CIITA: variants seen among roughly 807,000 people sequenced by gnomAD.
CIITA encodes the protein class II major histocompatibility complex transactivator, also known as MHC class II transactivator.
In CIITA, 72 loss-of-function variants were observed where a neutral mutation model predicts 115.1. The observed-to-expected ratio is 0.63, with a 90% CI of 0.52 to 0.76. The LOEUF is 0.76. Ranked by LOEUF, CIITA falls within the 30% of genes least tolerant of loss-of-function variation. CIITA has a pLI of 0.00. For missense variants in CIITA, 1,617 were observed against 1,463.8 expected (o/e 1.10, Z -1.71); for synonymous variants, 763 against 635.6 (o/e 1.20, Z -3.02).
intron 5 of CIITA, among the ~76,000 whole-genome samples, chr16:10,899,640 T>G (rs2038507457): frequency 6.6e-6 from 1 of 152,238 alleles, no homozygotes; most frequent in Non-Finnish European, 1.5e-5. Flanking sequence ...AGTAGATATC[T>G]GTTGAATGAA....
chr16:10,898,796 G>T, intron 4 of CIITA, 64 bp downstream of exon 4: 1 of 1,605,844 alleles, frequency 6.2e-7, no homozygotes, highest in Non-Finnish European at 8.5e-7. Context: ...TTCCCTGGGG[G>T]GTGCCCTAAT....
chr16:10,903,284 G>T (rs925822401), intron 8 of CIITA, among the ~76,000 whole-genome samples: 11 of 152,170 alleles, frequency 7.2e-5, no homozygotes, highest in African/African-American at 2.7e-4. Context: ...CTGAGGGGTT[G>T]TGACTTGTCT....
intron 1 of CIITA, among the ~76,000 whole-genome samples, chr16:10,868,451 T>C (rs551352944): frequency 6.6e-6 from 1 of 152,286 alleles, no homozygotes; most frequent in Admixed American, 6.5e-5. Context: ...ACAGGGCTGG[T>C]TCTTCTTGTG....
At chr16:10,869,364 G>T (rs2035315812) in intron 1 of CIITA, among the ~76,000 whole-genome samples, 1 of 152,150 alleles carries the variant, frequency 6.6e-6, no homozygotes, top group African/African-American at 2.4e-5. Flanking sequence ...CGTTCCCTCT[G>T]CCTGGAGCAC....
At chr16:10,897,532 A>ACCCAAGTCTGCTC (rs2038254843) in intron 3 of CIITA, among the ~76,000 whole-genome samples, 1 of 152,150 alleles carries the variant, frequency 6.6e-6, no homozygotes, top group African/African-American at 2.4e-5. Flanking sequence ...AGGCAGCTTC[A>ACCCAAGTCTGCTC]CCCAAGTCTG....
chr16:10,921,208 A>G (rs568552646), intron 16 of CIITA, among the ~76,000 whole-genome samples: 74 of 152,356 alleles, frequency 4.9e-4, no homozygotes, highest in African/African-American at 1.7e-3. Flanking sequence ...AGGCTGAATC[A>G]TGGCAAAGTC....
chr16:10,907,814 C>T lies in CIITA; in HGVS notation c.2322C>T (p.Leu774=), dbSNP rs77072504. 165 of 1,614,030 alleles carry T rather than the reference C, an allele frequency of 1.0e-4. 1 individual carries two copies. In the African/African-American group the frequency reaches 1.7e-3, roughly 17 times the overall value. ...QPPARCLGAL[L]GPSAAASVDR... ...CCGCCCGCTGCCTGGGAGCCCTACT[C>T]GGGCCATCGGCGGCTGCCTCGGTGG... The change falls in exon 11 of 20, where the codon CTC becomes CTT. Residue 774 remains leucine (L), a synonymous_variant. Transcript: ENST00000324288. The surrounding 1 kb of genome is among the most constrained non-coding windows in gnomAD (Gnocchi z 5.0).
At chr16:10,917,666 G>C (rs887966232) in intron 15 of CIITA, among the ~76,000 whole-genome samples, 2 of 151,994 alleles carry the variant, frequency 1.3e-5, no homozygotes, top group African/African-American at 4.8e-5. Flanking sequence ...TTTTAGTAGA[G>C]ACGGGGTTTC....
rs2040959426 is a variant in CIITA at position 10,934,832 on chromosome 16, C to T, written c.*10977C>T. The T allele has an allele frequency of 2.0e-5, 3 of 152,272 alleles. No homozygotes were observed. Among genetic ancestry groups the T allele is most frequent in the African/African-American group, 7.2e-5 (3 of 41,456 alleles). 9.4% of individuals were successfully genotyped at this position (152,272 alleles called of 1,614,324 possible). A position where few individuals can be genotyped will look rare whatever the true frequency, so the allele number is the denominator to read the frequency against. On this transcript the variant is annotated 3_prime_UTR_variant, in exon 20 of 20. Coordinates refer to ENST00000324288, the MANE Select transcript of CIITA (RefSeq NM_000246.4). The surrounding 1 kb of genome is among the most constrained non-coding windows in gnomAD (Gnocchi z 4.2). ...GGGCCTGGGATGGCAGCTGTGAGGG[C>T]ACCAGCACCATCTGGGGACTCGCTG...
intron 13 of CIITA, among the ~76,000 whole-genome samples, chr16:10,914,417 G>A (rs890283902): frequency 1.3e-4 from 20 of 152,134 alleles, no homozygotes; most frequent in Non-Finnish European, 2.4e-4. Context: ...GTGACCGTGC[G>A]CGGTTACTGT....
At chr16:10,897,304 T>C (rs910407154) in intron 3 of CIITA, among the ~76,000 whole-genome samples, 8 of 152,168 alleles carry the variant, frequency 5.3e-5, no homozygotes, top group African/African-American at 1.9e-4. Flanking sequence ...GGTTTCGGTG[T>C]GATAGTCTCT....
intron 16 of CIITA, 25 bp from the exon 17 acceptor site, chr16:10,922,142 T>A: frequency 6.2e-7 from 1 of 1,604,614 alleles, no homozygotes; most frequent in African/African-American, 1.3e-5. Context: ...CTCCAATCCC[T>A]CCCCCTGGCC....
chr16:10,908,525 A>G, intron 11 of CIITA: 3 of 422,488 alleles, frequency 7.1e-6, no homozygotes, highest in Non-Finnish European at 1.3e-5. Context: ...CTCTGCCTCC[A>G]TTCTCTCCTC....
At chr16:10,919,850 G>T (rs536555179) in intron 16 of CIITA, among the ~76,000 whole-genome samples, 5 of 152,314 alleles carry the variant, frequency 3.3e-5, no homozygotes, top group African/African-American at 1.2e-4. Context: ...TCTTTGCGTA[G>T]TAGGAATTAG....
rs937819005 is a variant in CIITA at position 10,926,178 on chromosome 16, G to A, written c.*2323G>A. ...TCTCCCCAGCAAGTGAGAGCTGGGT[G>A]TCAAGAGGGTCTGAGGAATCCAGAC... On this transcript the variant is annotated 3_prime_UTR_variant, in exon 20 of 20. Coordinates refer to ENST00000324288, the MANE Select transcript of CIITA (RefSeq NM_000246.4). 6.6e-6 allele frequency: 1 copy of A among 152,276 alleles called. No homozygotes were observed. Among genetic ancestry groups the A allele is most frequent in the Non-Finnish European group, 1.5e-5 (1 of 68,068 alleles). The allele number at this position is 152,276 out of a possible 1,614,324, so 9.4% of individuals were successfully genotyped here.
rs1433100551 is a variant in CIITA at position 10,902,615 on chromosome 16, G to A, written c.629-43G>A. The A allele has an allele frequency of 2.5e-6, 4 of 1,613,572 alleles. No individual in the cohort carries two copies. The Admixed American group carries it at 6.7e-5, about 27-fold the overall frequency. ...AAGCAAAAGCAGAATCGCAAACACA[G>A]GTGCTATGCAAGATCCCACCTCACT... On this transcript the variant is annotated intron_variant, in intron 7 of 19. Coordinates refer to ENST00000324288, the MANE Select transcript of CIITA (RefSeq NM_000246.4).
intron 18 of CIITA, among the ~76,000 whole-genome samples, chr16:10,922,738 A>C (rs2040341815): frequency 6.6e-6 from 1 of 152,260 alleles, no homozygotes; most frequent in Non-Finnish European, 1.5e-5. Flanking sequence ...AGTAGCTGGC[A>C]CACAAAAATG....
chr16:10,876,111 C>G (rs1032782938), upstream of CIITA, among the ~76,000 whole-genome samples: 3 of 152,158 alleles, frequency 2.0e-5, no homozygotes, highest in Admixed American at 6.5e-5. Context: ...GAGCCAAGAT[C>G]ATGCCATTGC....
Position 10,908,102 on chromosome 16 carries a change from C to G in CIITA, c.2610C>G (p.Pro870=), listed in dbSNP as rs1025580450. ...ACCTCCGCAGCACTGGCATTTGCCC[C>G]TCTGGATTGGGGAGCCTCGTGGGAC... ...SLDLRSTGIC[P]SGLGSLVGLS... The change falls in exon 11 of 20, where the codon CCC becomes CCG. Residue 870 remains proline, a synonymous_variant. Transcript: ENST00000324288. The G allele has an allele frequency of 6.2e-7, 1 of 1,600,566 alleles. No homozygotes were observed. The highest frequency in any genetic ancestry group is 8.5e-7 in the Non-Finnish European group (1 of 1,173,714).
Sources: allele counts gnomAD v4.1 joint callset (sites outside exome capture counted in the v4.1 genomes callset), GRCh38; gene constraint gnomAD v4.1.1; non-coding constraint Gnocchi (gnomAD v3.1); transcripts MANE v1.5; gene names NCBI Gene and HGNC (gene_info 2026-07-23, HGNC 2026-07-21).